The following PALM2AKAP2 variants were observed in gnomAD, a reference collection of about 807,000 sequenced individuals.
The protein encoded by PALM2AKAP2 is PALM2 and AKAP2 fusion, also known as PALM2-AKAP2 fusion protein.
Under a neutral mutation model 71.5 loss-of-function variants are expected in PALM2AKAP2, and 37 were observed. The ratio of observed to expected loss-of-function variants is 0.52; its 90% CI spans 0.40 to 0.68. The LOEUF (loss-of-function observed/expected upper bound fraction) is 0.68. PALM2AKAP2 is among the 30% of genes least tolerant of loss of function. PALM2AKAP2 has a pLI of 0.00. For missense variants in PALM2AKAP2, 1,224 were observed against 1,191.8 expected (o/e 1.03, Z -0.40); for synonymous variants, 468 against 478.8 (o/e 0.98, Z 0.29).
At chr9:109,809,505 A>G (rs1023987655) in intron 1 of PALM2AKAP2, among the ~76,000 whole-genome samples, 4 of 152,226 alleles carry the variant, frequency 2.6e-5, no homozygotes, top group African/African-American at 7.2e-5. Flanking sequence ...CTGTACCCCC[A>G]TTGTATCTAG....
chr9:110,004,536 T>G (rs538627463), intron 6 of PALM2AKAP2, among the ~76,000 whole-genome samples: 2 of 152,302 alleles, frequency 1.3e-5, no homozygotes, highest in African/African-American at 4.8e-5. Flanking sequence ...AGGAGTATCT[T>G]TTTGGCATTC....
At chr9:109,990,067 C>CTTTTTTTTTTTTT (rs35739397) in intron 6 of PALM2AKAP2, among the ~76,000 whole-genome samples, 6 of 134,110 alleles carry the variant, frequency 4.5e-5, no homozygotes, top group African/African-American at 8.2e-5. Flanking sequence ...TTCTTTCTTT[C>CTTTTTTTTTTTTT]TTTTTTTTTT....
chr9:109,681,095 A>G (rs1447858192), intron 1 of PALM2AKAP2, among the ~76,000 whole-genome samples: 1 of 152,270 alleles, frequency 6.6e-6, no homozygotes, highest in Non-Finnish European at 1.5e-5. Context: ...AGTGATTAGC[A>G]CAGCTTTTTA....
chr9:110,150,425 C>T (rs924501918), intron 2 of PALM2AKAP2, among the ~76,000 whole-genome samples: 6 of 152,152 alleles, frequency 3.9e-5, no homozygotes, highest in Non-Finnish European at 7.4e-5. Context: ...GCCTACATTC[C>T]TTGGCTCATG....
At chr9:109,950,920 T>C (rs990715403) in intron 6 of PALM2AKAP2, among the ~76,000 whole-genome samples, 7 of 152,204 alleles carry the variant, frequency 4.6e-5, no homozygotes, top group African/African-American at 1.7e-4. Context: ...AGTCACTTAG[T>C]TTTGCAATGA....
At chr9:109,707,377 G>T (rs989336987) in intron 1 of PALM2AKAP2, among the ~76,000 whole-genome samples, 2 of 152,042 alleles carry the variant, frequency 1.3e-5, no homozygotes, top group African/African-American at 2.4e-5. Flanking sequence ...CCCCCACCCT[G>T]CCCCAGCTTT....
At chr9:109,998,782 A>AG (rs374630062) in intron 6 of PALM2AKAP2, among the ~76,000 whole-genome samples, 85 of 144,778 alleles carry the variant, frequency 5.9e-4, no homozygotes, top group African/African-American at 1.5e-3. Context: ...AAAAAAAAAA[A>AG]GGGGGGATAG....
intron 6 of PALM2AKAP2, among the ~76,000 whole-genome samples, chr9:109,985,810 C>T (rs971090407): frequency 5.3e-5 from 8 of 151,974 alleles, no homozygotes; most frequent in African/African-American, 1.7e-4. Flanking sequence ...CCACCATGCC[C>T]GGCTAATTTT....
At chr9:110,010,354 G>A (rs932908927) in intron 6 of PALM2AKAP2, among the ~76,000 whole-genome samples, 7 of 151,296 alleles carry the variant, frequency 4.6e-5, no homozygotes, top group Non-Finnish European at 7.4e-5. Context: ...GGGAGAAGAG[G>A]AATGTAAGAG....
intron 1 of PALM2AKAP2, among the ~76,000 whole-genome samples, chr9:109,662,073 T>C (rs943798829): frequency 3.3e-5 from 5 of 152,128 alleles, no homozygotes; most frequent in Non-Finnish European, 5.9e-5. Flanking sequence ...TGGGCTGAGA[T>C]GATGGGGTTT....
At chr9:110,003,898 C>T (rs532246367) in intron 6 of PALM2AKAP2, among the ~76,000 whole-genome samples, 1 of 152,262 alleles carries the variant, frequency 6.6e-6, no homozygotes, top group African/African-American at 2.4e-5. Context: ...CTTCCCCCAT[C>T]CCTTTATTTT....
At chr9:109,650,559 G>A (rs966254587) in intron 1 of PALM2AKAP2, among the ~76,000 whole-genome samples, 2 of 152,100 alleles carry the variant, frequency 1.3e-5, no homozygotes, top group African/African-American at 4.8e-5. Context: ...TGGGACTATA[G>A]GCATACACCA....
chr9:110,137,809 C>T (rs1418273270), exon 2 of PALM2AKAP2: 4 of 1,613,950 alleles, frequency 2.5e-6, no homozygotes, highest in Non-Finnish European at 3.4e-6. Flanking sequence ...TTTCTCTGCC[C>T]CAGACACCAC....
At chr9:110,086,070 G>A (rs995650180) in intron 1 of PALM2AKAP2, among the ~76,000 whole-genome samples, 5 of 144,674 alleles carry the variant, frequency 3.5e-5, no homozygotes, top group South Asian at 2.1e-4. Context: ...TTGCACTACT[G>A]CACTCCACCT....
At chr9:109,910,368 G>A (rs1176062135) in intron 3 of PALM2AKAP2, among the ~76,000 whole-genome samples, 1 of 152,202 alleles carries the variant, frequency 6.6e-6, no homozygotes, top group Non-Finnish European at 1.5e-5. Context: ...AAAGGCTGGA[G>A]TTCAGGAGAG....
chr9:109,832,377 A>T (rs753451324), intron 1 of PALM2AKAP2, among the ~76,000 whole-genome samples: 1 of 152,194 alleles, frequency 6.6e-6, no homozygotes, highest in Non-Finnish European at 1.5e-5. Context: ...CCTCACAAGG[A>T]TGCTGTGTTG....
chr9:109,996,843 C>T (rs1296897419), intron 6 of PALM2AKAP2, among the ~76,000 whole-genome samples: 4 of 152,302 alleles, frequency 2.6e-5, no homozygotes, highest in African/African-American at 9.6e-5. Context: ...TGCGTACACA[C>T]AAGCCTGCAC....
chr9:110,029,922 C>T (rs1833248173), intron 7 of PALM2AKAP2, among the ~76,000 whole-genome samples: 1 of 152,172 alleles, frequency 6.6e-6, no homozygotes, highest in African/African-American at 2.4e-5. Context: ...TACGATAAGC[C>T]TTGTCCTTCT....
chr9:110,156,395 A>G (rs374387127), exon 3 of PALM2AKAP2: 3 of 1,612,900 alleles, frequency 1.9e-6, no homozygotes, highest in Non-Finnish European at 2.5e-6. Flanking sequence ...TAGCCCCTGA[A>G]GAGGCTGCCG....
Sources: allele counts gnomAD v4.1 joint callset (sites outside exome capture counted in the v4.1 genomes callset), GRCh38; gene constraint gnomAD v4.1.1; transcripts MANE v1.5; gene names NCBI Gene and HGNC (gene_info 2026-07-23, HGNC 2026-07-21).